PAQR5: variants seen among roughly 807,000 people sequenced by gnomAD.
PAQR5 encodes the protein membrane progestin receptor gamma.
A neutral mutation model predicts 34.5 loss-of-function variants in PAQR5; 20 were observed. The ratio of observed to expected loss-of-function variants is 0.58; its 90% CI spans 0.41 to 0.84. PAQR5 has a LOEUF of 0.84. Among genes scored for constraint, PAQR5 ranks in the 40% least tolerant of loss-of-function variants. PAQR5 has a pLI of 0.00. For missense variants in PAQR5, 378 were observed against 412.7 expected (o/e 0.92, Z 0.73); for synonymous variants, 131 against 155.6 (o/e 0.84, Z 1.18).
intron 2 of PAQR5, among the ~76,000 whole-genome samples, chr15:69,357,046 C>G (rs2415042): frequency 0.48 from 73,153 of 151,540 alleles, 20,309 homozygotes; most frequent in Middle Eastern, 0.64. Context: ...GTGGCATCTC[C>G]CCACCCACTG....
intron 2 of PAQR5, among the ~76,000 whole-genome samples, chr15:69,337,908 C>T (rs1280054654): frequency 6.6e-6 from 1 of 151,916 alleles, no homozygotes; most frequent in Non-Finnish European, 1.5e-5. Context: ...AACCCTGTCT[C>T]TATTAAAAAA....
At chr15:69,300,950 T>TCTTTCTTTCTTTCTTTCTTC (rs2053584441) in intron 1 of PAQR5, among the ~76,000 whole-genome samples, 1 of 23,116 alleles carries the variant, frequency 4.3e-5, no homozygotes, top group African/African-American at 1.3e-4. Flanking sequence ...TTTCTTTCCT[T>TCTTTCTTTCTTTCTTTCTTC]CTTTCTTTCT....
At chr15:69,314,533 A>G (rs2053900677) in intron 1 of PAQR5, 2 of 152,324 alleles carry the variant, frequency 1.3e-5, no homozygotes, top group Non-Finnish European at 2.9e-5. Context: ...GCCTTTAGGT[A>G]TCTGGACCAT....
chr15:69,330,435 G>A (rs912585112), intron 1 of PAQR5, among the ~76,000 whole-genome samples: 2 of 152,164 alleles, frequency 1.3e-5, no homozygotes, highest in African/African-American at 4.8e-5. Flanking sequence ...TAGAAATTAT[G>A]GTTTAGGAGT....
intron 1 of PAQR5, among the ~76,000 whole-genome samples, chr15:69,304,976 C>G (rs1193200481): frequency 1.3e-5 from 2 of 152,332 alleles, no homozygotes; most frequent in East Asian, 1.9e-4. Context: ...CTAATTCTGA[C>G]ATTATCTAAT....
chr15:69,357,373 C>G (rs1338071748), intron 2 of PAQR5, among the ~76,000 whole-genome samples: 1 of 152,090 alleles, frequency 6.6e-6, no homozygotes, highest in Non-Finnish European at 1.5e-5. Context: ...AAGCAATTCT[C>G]CTGCCTCAGC....
At chr15:69,344,161 T>C (rs2054708561) in intron 2 of PAQR5, among the ~76,000 whole-genome samples, 2 of 152,320 alleles carry the variant, frequency 1.3e-5, no homozygotes, top group Admixed American at 6.5e-5. Context: ...TAGGAACTCT[T>C]AGGCACACCT....
At chr15:69,390,432 C>T (rs1277686793) in intron 6 of PAQR5, among the ~76,000 whole-genome samples, 1 of 149,940 alleles carries the variant, frequency 6.7e-6, no homozygotes, top group African/African-American at 2.4e-5. Context: ...TCACTGTAGC[C>T]TCGCCTTCCT....
chr15:69,316,780 C>A (rs867169121), intron 1 of PAQR5, among the ~76,000 whole-genome samples: 1 of 152,220 alleles, frequency 6.6e-6, no homozygotes, highest in African/African-American at 2.4e-5. Context: ...TGAAGAGATG[C>A]TGTGAAAATT....
At chr15:69,377,673 A>G (rs961117093) in intron 3 of PAQR5, among the ~76,000 whole-genome samples, 1 of 152,130 alleles carries the variant, frequency 6.6e-6, no homozygotes, top group African/African-American at 2.4e-5. Context: ...CTCATTTTAC[A>G]CAGAGGCCCT....
chr15:69,363,500 A>G (rs926582236), intron 3 of PAQR5, among the ~76,000 whole-genome samples: 5 of 151,140 alleles, frequency 3.3e-5, no homozygotes, highest in Admixed American at 3.3e-4. Flanking sequence ...ACACTTTGCC[A>G]GGAAACAAGA....
At position 69,372,341 on chromosome 15, in the gene PAQR5, C is replaced by T. The variant is rs182324137; in HGVS notation, c.52-7542C>T. On this transcript the variant is annotated intron_variant, in intron 3 of 8. Transcript: ENST00000395407. ...GGTGGATCACTTGAGGTCAGGAGTT[C>T]AAGACCAGCCTGGCCAACATGGTGA... 1.4e-3 allele frequency among the ~76,000 whole-genome samples: 217 copies of T among 151,908 alleles called. 2 individuals carry two copies. Among genetic ancestry groups the T allele is most frequent in the African/African-American group, 4.8e-3 (199 of 41,518 alleles).
At chr15:69,365,212 T>A (rs889948519) in intron 3 of PAQR5, among the ~76,000 whole-genome samples, 31 of 151,882 alleles carry the variant, frequency 2.0e-4, no homozygotes, top group Non-Finnish European at 2.8e-4. Context: ...GTTCAAGCGA[T>A]TCTCATGCCT....
chr15:69,375,380 T>A (rs1397143690), intron 3 of PAQR5, among the ~76,000 whole-genome samples: 2 of 152,160 alleles, frequency 1.3e-5, no homozygotes, highest in African/African-American at 2.4e-5. Context: ...AAAGATCTTA[T>A]CTCCGAATGC....
chr15:69,344,033 C>A (rs2054705064), intron 2 of PAQR5, among the ~76,000 whole-genome samples: 1 of 152,102 alleles, frequency 6.6e-6, no homozygotes, highest in African/African-American at 2.4e-5. Flanking sequence ...GGGGTTTCAC[C>A]AAGTTGCCCA....
At chr15:69,346,880 A>G (rs1248466211) in intron 2 of PAQR5, among the ~76,000 whole-genome samples, 1 of 148,678 alleles carries the variant, frequency 6.7e-6, no homozygotes, top group African/African-American at 2.5e-5. Context: ...GCAGTGGTGC[A>G]ATCTCCACTC....
At chr15:69,307,612 C>T (rs771659122) in intron 1 of PAQR5, among the ~76,000 whole-genome samples, 1 of 152,182 alleles carries the variant, frequency 6.6e-6, no homozygotes, top group African/African-American at 2.4e-5. Context: ...CCCCACAAGG[C>T]TGAGGAACTT....
intron 3 of PAQR5, chr15:69,379,333 C>A: frequency 1.4e-6 from 1 of 729,276 alleles, no homozygotes; most frequent in Non-Finnish European, 1.7e-6. Context: ...ACTTGAGCAG[C>A]CGTGCTGTGG....
At chr15:69,369,236 G>A (rs1481140345) in intron 3 of PAQR5, among the ~76,000 whole-genome samples, 1 of 152,084 alleles carries the variant, frequency 6.6e-6, no homozygotes. Context: ...GTGCATGCCT[G>A]TGTTAAAGTA....
Sources: gnomAD v4.1 joint callset for allele counts (sites outside exome capture counted in the v4.1 genomes callset) on GRCh38, gnomAD v4.1.1 for gene constraint, MANE v1.5 for transcripts, NCBI Gene and HGNC (gene_info 2026-07-23, HGNC 2026-07-21) for gene names.